The following PLCG2 variants were observed in gnomAD, a reference collection of about 807,000 sequenced individuals.
PLCG2 encodes 1-phosphatidylinositol 4,5-bisphosphate phosphodiesterase gamma-2.
PLCG2 carries 69 observed loss-of-function variants against 175.6 expected under a neutral mutation model. That is an observed-to-expected ratio of 0.39 (90% confidence interval 0.32 to 0.48). PLCG2 has a LOEUF of 0.48. PLCG2 is among the 20% of genes least tolerant of loss of function. The pLI, the probability that PLCG2 is intolerant of heterozygous loss-of-function variation, is 0.91. For missense variants in PLCG2, 1,798 were observed against 1,650.9 expected (o/e 1.09, Z -1.54); for synonymous variants, 827 against 624.0 (o/e 1.33, Z -4.85).
chr16:81,902,704 C>T (rs1039716906), intron 14 of PLCG2, among the ~76,000 whole-genome samples: 5 of 152,088 alleles, frequency 3.3e-5, no homozygotes, highest in Non-Finnish European at 7.3e-5. Flanking sequence ...ACCTAATCAC[C>T]TTCTGTGTTA....
At chr16:81,837,747 A>T (rs1255757835) in intron 2 of PLCG2, among the ~76,000 whole-genome samples, 1 of 145,394 alleles carries the variant, frequency 6.9e-6, no homozygotes, top group African/African-American at 2.6e-5. Context: ...TTTTGTTGAG[A>T]TAATTGAAGA....
At chr16:81,867,379 C>G (rs1355158510) in intron 5 of PLCG2, among the ~76,000 whole-genome samples, 1 of 152,202 alleles carries the variant, frequency 6.6e-6, no homozygotes, top group Non-Finnish European at 1.5e-5. Context: ...AATTTCACTT[C>G]TCCTTCTTGT....
chr16:81,813,418 A>G (rs1904404425), intron 2 of PLCG2, among the ~76,000 whole-genome samples: 1 of 152,028 alleles, frequency 6.6e-6, no homozygotes, highest in African/African-American at 2.4e-5. Flanking sequence ...TAGGTATTTT[A>G]TTCTCTTAGT....
intron 2 of PLCG2, chr16:81,798,756 G>A (rs919196566): frequency 3.3e-5 from 5 of 152,346 alleles, no homozygotes; most frequent in African/African-American, 1.2e-4. Flanking sequence ...GCAAGGCATG[G>A]TGAGAGCATG....
rs1372444325 is a variant in PLCG2, at chr16:81,910,507, C to A, written c.1734-13C>A. 2 of 1,613,134 alleles carry A rather than the reference C, an allele frequency of 1.2e-6. No individual in the cohort carries two copies. The highest frequency in any genetic ancestry group is 8.5e-7 in the Non-Finnish European group (1 of 1,179,684). On this transcript the variant is annotated splice_polypyrimidine_tract_variant and intron_variant, in intron 17 of 32. Coordinates refer to ENST00000564138, the MANE Select transcript of PLCG2 (RefSeq NM_002661.5). ...TGCGTTCTCCCAGCACTGATGGCGT[C>A]CTCTCCCCGCAGGCGGTCAGGCCGG...
Position 81,961,616 on chromosome 16 carries a change from G to T in PLCG2, c.*3618G>T. On this transcript the variant is annotated 3_prime_UTR_variant, in exon 33 of 33. Transcript: ENST00000564138. The stretch of plus-strand genomic sequence containing the variant: ...ACAAATTCAAGGAGTAAAAGGAAAA[G>T]TGGGGCATTCCTTGCTACTAAAAAT... The T allele has an allele frequency of 4.6e-6, 1 of 216,650 alleles. No homozygotes were observed. Among genetic ancestry groups the T allele is most frequent in the Non-Finnish European group, 9.3e-6 (1 of 107,756 alleles). 13.4% of individuals were successfully genotyped at this position (216,650 alleles called of 1,614,324 possible). A position where few individuals can be genotyped will look rare whatever the true frequency, so the allele number is the denominator to read the frequency against.
upstream of PLCG2, among the ~76,000 whole-genome samples, chr16:81,778,396 C>T (rs915781929): frequency 2.6e-5 from 4 of 152,102 alleles, no homozygotes; most frequent in African/African-American, 9.7e-5. Flanking sequence ...ATAACTCAAG[C>T]AACTTGGAAG....
intron 2 of PLCG2, among the ~76,000 whole-genome samples, chr16:81,805,597 A>G (rs1911967803): frequency 6.6e-6 from 1 of 151,502 alleles, no homozygotes; most frequent in Non-Finnish European, 1.5e-5. Flanking sequence ...AAAGTGGGCG[A>G]AAGATCTGAA....
intron 24 of PLCG2, among the ~76,000 whole-genome samples, chr16:81,929,809 C>G (rs142030124): frequency 6.6e-6 from 1 of 152,204 alleles, no homozygotes; most frequent in African/African-American, 2.4e-5. Context: ...CCTAAGTGAC[C>G]GACCACCACA....
chr16:81,776,135 G>A (rs1367856126), upstream of PLCG2, among the ~76,000 whole-genome samples: 1 of 21,796 alleles, frequency 4.6e-5, no homozygotes, highest in Non-Finnish European at 1.1e-4. Context: ...TTTTGACGGA[G>A]TCTCACTCTG....
intron 2 of PLCG2, among the ~76,000 whole-genome samples, chr16:81,764,429 G>C (rs1333539671): frequency 6.6e-6 from 1 of 152,226 alleles, no homozygotes; most frequent in East Asian, 1.9e-4. Flanking sequence ...ATGTGGGATG[G>C]AGGAAGAATC....
At chr16:81,786,655 T>C (rs1910986201) in intron 2 of PLCG2, among the ~76,000 whole-genome samples, 1 of 152,140 alleles carries the variant, frequency 6.6e-6, no homozygotes, top group Non-Finnish European at 1.5e-5. Flanking sequence ...TTGTTGAACG[T>C]TTTGTAGCTT....
chr16:81,842,633 T>A (rs62045701), intron 2 of PLCG2: 18,392 of 152,114 alleles, frequency 0.12, 1,159 homozygotes, highest in South Asian at 0.19. Flanking sequence ...CTTGAGGTCA[T>A]GTATGGGAAT....
chr16:81,869,393 G>A lies in PLCG2; in HGVS notation c.564+95G>A, dbSNP rs568110018. 8.4e-6 allele frequency: 7 copies of A among 836,914 alleles called. No homozygotes were observed. In the East Asian group the frequency reaches 1.5e-4, roughly 17 times the overall value. 51.8% of individuals were successfully genotyped at this position (836,914 alleles called of 1,614,324 possible). On this transcript the variant is annotated intron_variant, in intron 6 of 32. Transcript: ENST00000564138. ...GCTTGCCTTTGAGTTCCGTGGAATAGTGCACAAGAAAATCCTTTGCCTCCA... is the reference window on the plus strand; with the variant it reads ...GCTTGCCTTTGAGTTCCGTGGAATAATGCACAAGAAAATCCTTTGCCTCCA...
intron 2 of PLCG2, among the ~76,000 whole-genome samples, chr16:81,818,662 A>G (rs1904658104): frequency 6.6e-6 from 1 of 152,106 alleles, no homozygotes; most frequent in African/African-American, 2.4e-5. Context: ...TTTTCTCTGC[A>G]GCAGCAAGCC....
At chr16:81,778,338 C>G (rs1190966923), upstream of PLCG2, among the ~76,000 whole-genome samples, 2 of 152,100 alleles carry the variant, frequency 1.3e-5, no homozygotes, top group Non-Finnish European at 1.5e-5. Context: ...CCACTGCACT[C>G]CAGCCTGGGT....
intron 2 of PLCG2, among the ~76,000 whole-genome samples, chr16:81,757,877 A>G (rs1165408874): frequency 2.0e-5 from 3 of 151,842 alleles, no homozygotes; most frequent in Non-Finnish European, 2.9e-5. Context: ...GGATTTGCCT[A>G]TTCCGGACAT....
intron 1 of PLCG2, among the ~76,000 whole-genome samples, chr16:81,751,986 C>T (rs1001170234): frequency 2.0e-5 from 3 of 151,820 alleles, no homozygotes; most frequent in Non-Finnish European, 2.9e-5. Flanking sequence ...TGTGCCACTG[C>T]ACTCCAGCCT....
chr16:81,951,115 C>T (rs539616661), intron 31 of PLCG2, among the ~76,000 whole-genome samples: 2 of 152,246 alleles, frequency 1.3e-5, no homozygotes, highest in East Asian at 1.9e-4. Context: ...GCTGGGACTA[C>T]AGGCATATGC....
Sources: allele counts gnomAD v4.1 joint callset (sites outside exome capture counted in the v4.1 genomes callset), GRCh38; gene constraint gnomAD v4.1.1; transcripts MANE v1.5; gene names NCBI Gene and HGNC (gene_info 2026-07-23, HGNC 2026-07-21).